YTHDC2: variants seen among roughly 807,000 people sequenced by gnomAD.
YTHDC2 encodes the protein 3'-5' RNA helicase YTHDC2.
A neutral mutation model predicts 174.9 loss-of-function variants in YTHDC2; 45 were observed. The observed-to-expected ratio is 0.26, with a 90% confidence interval of 0.20 to 0.33. The LOEUF (loss-of-function observed/expected upper bound fraction) is 0.33. Among genes scored for constraint, YTHDC2 ranks in the 10% least tolerant of loss-of-function variants. The pLI is 1.00. For synonymous variants in YTHDC2, 657 were observed against 574.5 expected (o/e 1.14, Z -2.05); for missense variants, 1,650 against 1,723.7 (o/e 0.96, Z 0.76).
chr5:113,580,871 T>A (rs570179604), intron 24 of YTHDC2, among the ~76,000 whole-genome samples: 22 of 152,350 alleles, frequency 1.4e-4, no homozygotes, highest in African/African-American at 4.8e-4. Context: ...CTTAGTTGTT[T>A]CACAGACCCT....
chr5:113,531,502 C>T (rs4507479), intron 4 of YTHDC2, among the ~76,000 whole-genome samples: 5,228 of 151,990 alleles, frequency 0.034, 141 homozygotes, highest in African/African-American at 0.075. Context: ...GTCTTAGGAC[C>T]ACATGAGTAA....
chr5:113,568,700 G>A (rs937477000), intron 23 of YTHDC2, among the ~76,000 whole-genome samples: 1 of 152,154 alleles, frequency 6.6e-6, no homozygotes, highest in African/African-American at 2.4e-5. Flanking sequence ...CAAAGGACAT[G>A]ATCTAATTCC....
chr5:113,571,956 C>CT (rs1777750091), intron 23 of YTHDC2, among the ~76,000 whole-genome samples: 1 of 151,946 alleles, frequency 6.6e-6, no homozygotes, highest in South Asian at 2.1e-4. Flanking sequence ...AGGGTTTTTC[C>CT]TGTCTCTATC....
chr5:113,527,553 G>C (rs962277764), intron 4 of YTHDC2, among the ~76,000 whole-genome samples: 1 of 152,078 alleles, frequency 6.6e-6, no homozygotes, highest in Admixed American at 6.6e-5. Context: ...TTTTGCTTTT[G>C]ACAATTGCCT....
chr5:113,587,557 C>A (rs10079969), intron 26 of YTHDC2, among the ~76,000 whole-genome samples: 1 of 78,408 alleles, frequency 1.3e-5, no homozygotes, highest in Non-Finnish European at 2.2e-5. Context: ...ATTGTACATA[C>A]ATAATATATA....
Position 113,593,903 on chromosome 5 carries a change from A to G in YTHDC2, c.*429A>G, listed in dbSNP as rs1779133376. ...TTAAGATTATCATTAGAAAACAAAT[A>G]CGTCAACACCTATGAAAAGAAGCGG... On this transcript the variant is annotated 3_prime_UTR_variant, in exon 30 of 30. Transcript: ENST00000161863. The G allele has an allele frequency of 2.0e-5, 3 of 152,146 alleles. No individual in the cohort carries two copies. The highest frequency in any genetic ancestry group is 4.1e-4 in the South Asian group (2 of 4,832). The allele number at this position is 152,146 out of a possible 1,614,324, so 9.4% of individuals were successfully genotyped here.
chr5:113,584,368 A>G lies in YTHDC2; in HGVS notation c.3714A>G (p.Leu1238=). Residue 1238 remains leucine, a synonymous_variant, in exon 26 of 30, where the codon TTA becomes TTG. Coordinates refer to ENST00000161863, the MANE Select transcript of YTHDC2 (RefSeq NM_022828.5). ...AGAAGTACAAAGATAGAGGAATTTTACATCCTAAACGAGGTACTGAGGACC... is the reference window on the plus strand; with the variant it reads ...AGAAGTACAAAGATAGAGGAATTTTGCATCCTAAACGAGGTACTGAGGACC... ...PPQKYKDRGI[L]HPKRGTEDRS... 1.2e-6 allele frequency: 2 copies of G among 1,613,902 alleles called. No individual in the cohort carries two copies. Among genetic ancestry groups the G allele is most frequent in the South Asian group, 2.2e-5 (2 of 91,060 alleles).
At chr5:113,581,381 A>G (rs748963096) in intron 24 of YTHDC2, 36 bp from the exon 25 acceptor site, 22 of 1,520,402 alleles carry the variant, frequency 1.4e-5, no homozygotes, top group Middle Eastern at 1.8e-4. Flanking sequence ...TGCATATGTG[A>G]TATTCATTTG....
rs67062871 is a variant in YTHDC2 at position 113,518,556 on chromosome 5, C to CGTGT, written c.278+3235_278+3238dup. Among the ~76,000 whole-genome samples, 376 of 144,564 alleles carry CGTGT rather than the reference C, an allele frequency of 2.6e-3. 2 individuals are homozygous for CGTGT. Among genetic ancestry groups the CGTGT allele is most frequent in the African/African-American group, 3.9e-3 (153 of 39,504 alleles). 94.8% of individuals were successfully genotyped at this position (144,564 alleles called of 152,430 possible). On this transcript the variant is annotated intron_variant, in intron 2 of 29. Transcript: ENST00000161863. ...TTTATTGATTCAGTAAGTTAGTTTT[C>CGTGT]GTGTGTGTGTGTGTGTGTGTGTGTG...
At chr5:113,514,567 C>T (rs964962678) in intron 1 of YTHDC2, among the ~76,000 whole-genome samples, 3 of 152,132 alleles carry the variant, frequency 2.0e-5, no homozygotes, top group Non-Finnish European at 4.4e-5. Flanking sequence ...TCTTCCACAC[C>T]TCTTGAGGTT....
At chr5:113,574,186 T>G (rs1057179621) in intron 23 of YTHDC2, among the ~76,000 whole-genome samples, 3 of 152,220 alleles carry the variant, frequency 2.0e-5, no homozygotes, top group Non-Finnish European at 4.4e-5. Flanking sequence ...CTGTTTGTTT[T>G]TCTTTTAGAG....
At chr5:113,563,064 A>G (rs1777099807) in intron 18 of YTHDC2, among the ~76,000 whole-genome samples, 2 of 96,704 alleles carry the variant, frequency 2.1e-5, no homozygotes. Flanking sequence ...TAAAGGGGGG[A>G]AAAGATTTTT....
At chr5:113,584,183 A>C (rs887604209) in intron 25 of YTHDC2, 119 bp from the exon 26 acceptor site, 2 of 763,586 alleles carry the variant, frequency 2.6e-6, no homozygotes, top group Middle Eastern at 2.7e-4. Context: ...ATAAATCATA[A>C]GATCATTGGG....
Position 113,593,540 on chromosome 5 carries a change from C to T in YTHDC2, c.*66C>T. ...TATAACCACTGAATGCACTGACTTT[C>T]AAAAACTGAGGTGGGGTGTGTGTTA... On this transcript the variant is annotated 3_prime_UTR_variant, in exon 30 of 30. Transcript: ENST00000161863. 2 of 583,908 alleles carry T rather than the reference C, an allele frequency of 3.4e-6. No homozygotes were observed. Among genetic ancestry groups the T allele is most frequent in the Admixed American group, 6.2e-5 (2 of 32,026 alleles). 36.2% of individuals were successfully genotyped at this position (583,908 alleles called of 1,614,324 possible). A position where few individuals can be genotyped will look rare whatever the true frequency, so the allele number is the denominator to read the frequency against.
intron 2 of YTHDC2, among the ~76,000 whole-genome samples, chr5:113,520,768 T>G (rs908160454): frequency 2.0e-5 from 3 of 152,222 alleles, no homozygotes; most frequent in Non-Finnish European, 4.4e-5. Flanking sequence ...GGATATAGTT[T>G]ATTTTTCAAC....
In YTHDC2 at chr5:113,581,679, A is replaced by T. The variant is rs752444187; in HGVS notation, c.3617A>T (p.Glu1206Val). The T allele has an allele frequency of 3.7e-6, 6 of 1,608,110 alleles. No individual in the cohort carries two copies. In the East Asian group the frequency reaches 1.1e-4, roughly 30 times the overall value. Residue 1206 changes from glutamate to valine, a missense_variant, in exon 25 of 30, where the codon GAA becomes GTA. This residue lies in a region of YTHDC2 where 913 missense variants were observed against 940.4 expected (regional missense o/e 0.97). Coordinates refer to ENST00000161863, the MANE Select transcript of YTHDC2 (RefSeq NM_022828.5). ...AGTAGGAAAAGTTCAGCAGATACTGAATTTTCTGATGAGTGTACTACTGCA... is the reference window on the plus strand; with the variant it reads ...AGTAGGAAAAGTTCAGCAGATACTGTATTTTCTGATGAGTGTACTACTGCA... ...NNSRKSSADT[E>V]FSDECTTAER... is the part of the protein sequence containing the mutation.
intron 17 of YTHDC2, among the ~76,000 whole-genome samples, chr5:113,560,481 T>C (rs1776887965): frequency 6.6e-6 from 1 of 152,224 alleles, no homozygotes; most frequent in Admixed American, 6.5e-5. Context: ...TAGTGATGAT[T>C]GCCTATCTGG....
intron 23 of YTHDC2, among the ~76,000 whole-genome samples, chr5:113,577,378 T>G (rs994445295): frequency 5.9e-5 from 9 of 152,088 alleles, no homozygotes; most frequent in Admixed American, 1.3e-4. Context: ...GTTTGTTTGT[T>G]TGTTTGTTTG....
intron 15 of YTHDC2, 34 bp downstream of exon 15, chr5:113,553,888 C>T (rs1328288654): frequency 6.3e-7 from 1 of 1,585,100 alleles, no homozygotes; most frequent in Non-Finnish European, 8.5e-7. Context: ...TTAACACTTT[C>T]ATTAGTTATT....
Sources: gnomAD v4.1 joint callset for allele counts (sites outside exome capture counted in the v4.1 genomes callset) on GRCh38, gnomAD v4.1.1 for gene constraint, gnomAD v4.1.1 regional missense constraint, MANE v1.5 for transcripts, NCBI Gene and HGNC (gene_info 2026-07-23, HGNC 2026-07-21) for gene names.